Variants in SYNE1 observed in about 807,000 individuals in gnomAD.
SYNE1 encodes the protein spectrin repeat containing nuclear envelope protein 1.
A neutral mutation model predicts 1,111.0 loss-of-function variants in SYNE1; 616 were observed. That is an observed-to-expected ratio of 0.55 (90% CI 0.52 to 0.59). SYNE1 has a LOEUF of 0.59. Ranked by LOEUF, SYNE1 falls within the 20% of genes least tolerant of loss-of-function variation. The probability of loss-of-function intolerance (pLI) is 0.00; values close to 1 mark genes in which losing one functional copy is unlikely to be tolerated. For missense variants in SYNE1, 10,006 were observed against 10,417.0 expected (o/e 0.96, Z 1.72); for synonymous variants, 3,855 against 3,825.8 (o/e 1.01, Z -0.28).
intron 135 of SYNE1, among the ~76,000 whole-genome samples, chr6:152,150,655 A>G (rs1362038592): frequency 1.3e-5 from 2 of 152,260 alleles, no homozygotes; most frequent in African/African-American, 2.4e-5. Context: ...CTTCCTTGGA[A>G]AACACTCAAT....
intron 128 of SYNE1, among the ~76,000 whole-genome samples, chr6:152,181,152 G>A (rs11155835): frequency 3.2e-4 from 48 of 148,350 alleles, no homozygotes; most frequent in Middle Eastern, 3.4e-3. Context: ...GCCAAGGCGG[G>A]CAGAATCCTA....
intron 11 of SYNE1, among the ~76,000 whole-genome samples, chr6:152,489,494 C>T (rs542444892): frequency 7.7e-6 from 1 of 130,498 alleles, no homozygotes; most frequent in African/African-American, 2.9e-5. Flanking sequence ...TCTCTACTGT[C>T]ATACTACAGG....
chr6:152,510,474 T>C, intron 7 of SYNE1, 103 bp from the exon 8 acceptor site: 5 of 1,352,210 alleles, frequency 3.7e-6, no homozygotes, highest in Non-Finnish European at 5.1e-6. Flanking sequence ...GTTAACACTC[T>C]TGACATTCCT....
chr6:152,635,858 A>G (rs887467341), intron 2 of SYNE1, among the ~76,000 whole-genome samples: 5 of 152,108 alleles, frequency 3.3e-5, no homozygotes, highest in Non-Finnish European at 7.4e-5. Context: ...ACCTGACTCT[A>G]TTTACGGAAG....
At chr6:152,525,047 T>C (rs1407492562) in intron 5 of SYNE1, among the ~76,000 whole-genome samples, 1 of 152,170 alleles carries the variant, frequency 6.6e-6, no homozygotes, top group Non-Finnish European at 1.5e-5. Flanking sequence ...TCAGAGTATA[T>C]GGGAATGTCT....
chr6:152,146,432 T>C (rs1170800150), intron 137 of SYNE1: 1 of 152,246 alleles, frequency 6.6e-6, no homozygotes. Flanking sequence ...ACTAAGTCTT[T>C]GAAATTCATG....
At chr6:152,410,102 AAAC>A (rs1236852482) in intron 42 of SYNE1, among the ~76,000 whole-genome samples, 1 of 152,242 alleles carries the variant, frequency 6.6e-6, no homozygotes, top group Non-Finnish European at 1.5e-5. Context: ...GTGTGAAAGA[AAAC>A]AACAATAAAA....
chr6:152,453,686 T>C lies in SYNE1; in HGVS notation c.2927A>G (p.Asn976Ser). The stretch of plus-strand genomic sequence containing the variant: ...TTCATCACAAGCTTTCAGGAAAGCA[T>C]TGAGCACCCTCTGATCCAGCTGACT... ...FFSQLDQRVL[N>S]AFLKACDELT... The change falls in exon 25 of 146, where the codon AAT becomes AGT. Residue 976 changes from asparagine (N) to serine (S), a missense_variant. Asn to Ser is a conservative substitution (Grantham distance 46). Transcript: ENST00000367255. 1 of 1,614,158 alleles carries C rather than the reference T, an allele frequency of 6.2e-7. No homozygotes were observed. The highest frequency in any genetic ancestry group is 8.5e-7 in the Non-Finnish European group (1 of 1,180,016).
chr6:152,383,049 AAGGACAG>A (rs1197062407), intron 55 of SYNE1, among the ~76,000 whole-genome samples: 1 of 152,208 alleles, frequency 6.6e-6, no homozygotes, highest in Non-Finnish European at 1.5e-5. Context: ...TATGGTGTTG[AAGGACAG>A]AGGAGGTGCT....
At position 152,211,488 on chromosome 6, in the gene SYNE1, TCC is replaced by T; in HGVS notation, c.22589+4_22589+5del. On this transcript the variant is annotated splice_donor_5th_base_variant and intron_variant, in intron 124 of 145. Transcript: ENST00000367255. ...TTTCTTTGTAATAATTTATCAAAGA[TCC>T]TACCTGTCATCAACTTGACCTTGTT... is the stretch of plus-strand genomic sequence containing the variant. 1 of 1,610,758 alleles carries T rather than the reference TCC, an allele frequency of 6.2e-7. No homozygotes were observed. The highest frequency in any genetic ancestry group is 8.5e-7 in the Non-Finnish European group (1 of 1,177,178).
chr6:152,552,724 A>G (rs1327509449), intron 3 of SYNE1, among the ~76,000 whole-genome samples: 3 of 152,164 alleles, frequency 2.0e-5, no homozygotes, highest in Admixed American at 2.0e-4. Flanking sequence ...CCCACCATGT[A>G]ATTCAATTAG....
In SYNE1 at chr6:152,122,626, C is replaced by T. The variant is rs2295192; in HGVS notation, c.26204G>A (p.Arg8735Gln). ...TCTGAACAGGAAGCCGCGGCCGGAC[C>T]GACCTGGCCCTGGCTCAGAAAGGGA... ...DSSLSEPGPG[R>Q]SGRGFLFRVL... The change falls in exon 146 of 146, where the codon CGG (arginine) becomes CAG (glutamine). Residue 8735 changes from arginine (R) to glutamine (Q), a missense_variant. This residue lies in a region of SYNE1 where 761 missense variants were observed against 795.5 expected (regional missense o/e 0.96). Transcript: ENST00000367255. The T allele has an allele frequency of 0.036, 58,202 of 1,614,050 alleles. 1,349 individuals are homozygous for T. The highest frequency in any genetic ancestry group is 0.068 in the Admixed American group (4,105 of 60,022).
intron 3 of SYNE1, among the ~76,000 whole-genome samples, chr6:152,550,929 A>G (rs1322322065): frequency 1.3e-5 from 2 of 152,178 alleles, no homozygotes; most frequent in Non-Finnish European, 2.9e-5. Flanking sequence ...GGAGATGTGC[A>G]CTCAGAGAGT....
chr6:152,390,333 C>G lies in SYNE1; in HGVS notation c.8124G>C (p.Glu2708Asp), dbSNP rs886061208. 2 of 1,614,126 alleles carry G rather than the reference C, an allele frequency of 1.2e-6. No homozygotes were observed. Among genetic ancestry groups the G allele is most frequent in the Non-Finnish European group, 8.5e-7 (1 of 1,180,008 alleles). Residue 2708 changes from glutamate to aspartate, a missense_variant, in exon 53 of 146, where the codon GAG becomes GAC. Coordinates refer to ENST00000367255, the MANE Select transcript of SYNE1 (RefSeq NM_182961.4). ...TGTCAGCCCACACTTCTTTAAGGGTCTCTAACTGAGTCTGAATCACCCTCT... is the reference window on the plus strand; with the variant it reads ...TGTCAGCCCACACTTCTTTAAGGGTGTCTAACTGAGTCTGAATCACCCTCT... ...EGQRVIQTQL[E>D]TLKEVWADIM...
chr6:152,590,229 T>TA (rs982278617), intron 3 of SYNE1, among the ~76,000 whole-genome samples: 2 of 151,328 alleles, frequency 1.3e-5, no homozygotes, highest in African/African-American at 2.4e-5. Flanking sequence ...TGTGCCCAGC[T>TA]AAAAAAAATT....
intron 130 of SYNE1, among the ~76,000 whole-genome samples, chr6:152,166,725 G>A (rs1379823690): frequency 6.6e-6 from 1 of 152,166 alleles, no homozygotes; most frequent in East Asian, 1.9e-4. Context: ...AAGTCGACGG[G>A]GGTGAACATT....
intron 3 of SYNE1, among the ~76,000 whole-genome samples, chr6:152,615,203 C>A (rs1442934932): frequency 6.6e-6 from 1 of 152,012 alleles, no homozygotes; most frequent in Non-Finnish European, 1.5e-5. Flanking sequence ...TAAGTGTCAC[C>A]TAGGAAGCTA....
intron 128 of SYNE1, among the ~76,000 whole-genome samples, chr6:152,180,664 A>G (rs930737011): frequency 4.1e-5 from 6 of 147,822 alleles, no homozygotes; most frequent in Admixed American, 6.6e-5. Context: ...AGAAGGGAGG[A>G]AAAAAAAGGA....
chr6:152,351,322 C>A (rs1028808460), intron 70 of SYNE1, among the ~76,000 whole-genome samples: 35 of 152,234 alleles, frequency 2.3e-4, no homozygotes, highest in African/African-American at 8.2e-4. Context: ...TAGAAATAGA[C>A]ATTGGCTGGA....
Sources: gnomAD v4.1 joint callset for allele counts (sites outside exome capture counted in the v4.1 genomes callset) on GRCh38, gnomAD v4.1.1 for gene constraint, gnomAD v4.1.1 regional missense constraint, MANE v1.5 for transcripts, NCBI Gene and HGNC (gene_info 2026-07-23, HGNC 2026-07-21) for gene names.